Variants in UBR3 observed in about 807,000 individuals in gnomAD.
UBR3 encodes the protein ubiquitin protein ligase E3 component n-recognin 3.
In UBR3, 85 loss-of-function variants were observed where a neutral mutation model predicts 243.2. The observed-to-expected ratio is 0.35, with a 90% CI of 0.29 to 0.42. The LOEUF (loss-of-function observed/expected upper bound fraction) is 0.42. Ranked by LOEUF, UBR3 falls within the 10% of genes least tolerant of loss-of-function variation. The pLI, the probability that UBR3 is intolerant of heterozygous loss-of-function variation, is 1.00. For missense variants in UBR3, 1,686 were observed against 2,300.8 expected (o/e 0.73, Z 5.47); for synonymous variants, 748 against 799.8 (o/e 0.94, Z 1.09).
chr2:169,841,901 A>G (rs1188518007), intron 1 of UBR3, among the ~76,000 whole-genome samples: 1 of 152,124 alleles, frequency 6.6e-6, no homozygotes, highest in Non-Finnish European at 1.5e-5. Context: ...TCGACCACCC[A>G]AGGGCTGAGG....
At chr2:170,019,023 T>G (rs914677030) in intron 30 of UBR3, among the ~76,000 whole-genome samples, 1 of 152,202 alleles carries the variant, frequency 6.6e-6, no homozygotes, top group African/African-American at 2.4e-5. Flanking sequence ...TATAAAAAAT[T>G]ATTTCATTTG....
intron 14 of UBR3, among the ~76,000 whole-genome samples, 161 bp from the exon 15 acceptor site, chr2:169,926,531 G>A (rs1007813962): frequency 3.3e-5 from 5 of 152,118 alleles, no homozygotes; most frequent in Non-Finnish European, 7.4e-5. Context: ...AGAGGTGGAG[G>A]TTGCAGTGAG....
chr2:169,925,954 A>G (rs1470320257), intron 14 of UBR3, among the ~76,000 whole-genome samples: 1 of 152,204 alleles, frequency 6.6e-6, no homozygotes, highest in Non-Finnish European at 1.5e-5. Context: ...AGAGGCAGAA[A>G]GGAGTGAGGG....
At chr2:169,892,655 G>C (rs1364559690) in intron 6 of UBR3, among the ~76,000 whole-genome samples, 2 of 152,166 alleles carry the variant, frequency 1.3e-5, no homozygotes, top group Admixed American at 6.5e-5. Flanking sequence ...AGAACCCCAG[G>C]TGTTTTCAAA....
intron 1 of UBR3, among the ~76,000 whole-genome samples, chr2:169,845,413 A>AC (rs1429064273): frequency 4.6e-5 from 6 of 130,790 alleles, no homozygotes; most frequent in South Asian, 2.5e-4. Context: ...ACATAGTGAG[A>AC]CCCCATCTCA....
chr2:169,923,826 A>T, intron 11 of UBR3, 103 bp from the exon 12 acceptor site: 1 of 956,842 alleles, frequency 1.0e-6, no homozygotes, highest in Non-Finnish European at 1.5e-6. Flanking sequence ...AACTAAAAGT[A>T]TAGGAATAAA....
chr2:169,922,426 T>C (rs1288360735), intron 11 of UBR3, among the ~76,000 whole-genome samples: 2 of 151,730 alleles, frequency 1.3e-5, no homozygotes, highest in Non-Finnish European at 2.9e-5. Flanking sequence ...GCAAACTTTT[T>C]AAAATTTTAT....
intron 32 of UBR3, among the ~76,000 whole-genome samples, chr2:170,043,219 TTAATC>T (rs1269161969): frequency 2.6e-5 from 4 of 152,146 alleles, no homozygotes; most frequent in Non-Finnish European, 4.4e-5. Flanking sequence ...CTGTCACTAT[TTAATC>T]TATATTAATC....
chr2:169,941,763 CG>C (rs2086599660), intron 19 of UBR3, among the ~76,000 whole-genome samples: 1 of 152,194 alleles, frequency 6.6e-6, no homozygotes, highest in Non-Finnish European at 1.5e-5. Context: ...GGCTTTGGAA[CG>C]TGTTCCCTGA....
Position 169,837,266 on chromosome 2 carries a change from C to T in UBR3, c.545+9214C>T, listed in dbSNP as rs181108059. Among the ~76,000 whole-genome samples the T allele has an allele frequency of 3.3e-4, 50 of 152,304 alleles. No homozygotes were observed. The East Asian group carries it at 4.2e-3, about 13-fold the overall frequency. On this transcript the variant is annotated intron_variant, in intron 1 of 38. Coordinates refer to ENST00000272793, the MANE Select transcript of UBR3 (RefSeq NM_172070.4). ...CCGAGGCAGGTGAATCACCTGAGGTCGGGAGTTCGAGACCAGCCTGACCAA... is the reference window on the plus strand; with the variant it reads ...CCGAGGCAGGTGAATCACCTGAGGTTGGGAGTTCGAGACCAGCCTGACCAA...
chr2:170,039,170 G>A (rs2090903783), intron 31 of UBR3, among the ~76,000 whole-genome samples: 1 of 152,234 alleles, frequency 6.6e-6, no homozygotes, highest in African/African-American at 2.4e-5. Flanking sequence ...CTAAAGTGGA[G>A]TAATCAGAGA....
At chr2:169,983,504 A>G (rs960374720) in intron 24 of UBR3, among the ~76,000 whole-genome samples, 5 of 152,074 alleles carry the variant, frequency 3.3e-5, no homozygotes, top group Admixed American at 3.3e-4. Flanking sequence ...CAGGCAATCC[A>G]CCTGCCTCGG....
At chr2:169,875,329 GCTT>G (rs1376410268) in intron 2 of UBR3, among the ~76,000 whole-genome samples, 1 of 151,964 alleles carries the variant, frequency 6.6e-6, no homozygotes, top group Admixed American at 6.6e-5. Flanking sequence ...AAATGCTGCT[GCTT>G]CTTTTTGTTG....
chr2:170,057,109 T>C (rs1157441529), intron 33 of UBR3, among the ~76,000 whole-genome samples: 1 of 133,700 alleles, frequency 7.5e-6, no homozygotes, highest in Non-Finnish European at 1.6e-5. Flanking sequence ...TAATTATCTT[T>C]AGTTTTTTCT....
intron 8 of UBR3, among the ~76,000 whole-genome samples, chr2:169,904,904 T>C (rs1235532509): frequency 6.6e-6 from 1 of 152,190 alleles, no homozygotes; most frequent in Non-Finnish European, 1.5e-5. Context: ...GTAATTCTTT[T>C]AAGATGGATG....
rs1559180029 is a variant in UBR3 at position 170,006,951 on chromosome 2, G to GTGTA, written c.4030-37_4030-34dup. 1.9e-6 allele frequency: 3 copies of GTGTA among 1,575,870 alleles called. No homozygotes were observed. In the East Asian group the frequency reaches 6.7e-5, roughly 35 times the overall value. ...GGTATAATTTTTGTTTTCTATGAAT[G>GTGTA]TGTATATCACGCATCTGTATGTTTA... is the stretch of plus-strand genomic sequence containing the variant. On this transcript the variant is annotated intron_variant, in intron 27 of 38. Transcript: ENST00000272793.
chr2:169,847,777 C>T (rs191150256), intron 1 of UBR3, among the ~76,000 whole-genome samples: 28 of 152,326 alleles, frequency 1.8e-4, no homozygotes, highest in Non-Finnish European at 3.4e-4. Flanking sequence ...CTGATGGGAA[C>T]AGACACCATT....
At chr2:169,925,826 T>A in intron 14 of UBR3, 79 bp downstream of exon 14, 1 of 1,338,090 alleles carries the variant, frequency 7.5e-7, no homozygotes, top group Non-Finnish European at 9.9e-7. Flanking sequence ...TAGAGGTGAC[T>A]GCGTGATGAC....
Position 170,015,328 on chromosome 2 carries a change from C to G in UBR3, c.4415C>G (p.Ser1472Ter). Residue 1472 changes from serine (S) to a stop codon, truncating the protein, a stop_gained, in exon 30 of 39, where the codon TCA becomes TGA. Transcript: ENST00000272793. LOFTEE classifies it high-confidence loss of function. ...ELIHRGGNLC[S>*]GGASTAGKRS... ...ATTCATCGAGGAGGCAATTTGTGTTCAGGTGGTGCAAGCACAGCTGGCAAA... is the reference window on the plus strand; with the variant it reads ...ATTCATCGAGGAGGCAATTTGTGTTGAGGTGGTGCAAGCACAGCTGGCAAA... 1 of 1,611,632 alleles carries G rather than the reference C, an allele frequency of 6.2e-7. No homozygotes were observed. Among genetic ancestry groups the G allele is most frequent in the Non-Finnish European group, 8.5e-7 (1 of 1,178,664 alleles).
Sources: gnomAD v4.1 joint callset for allele counts (sites outside exome capture counted in the v4.1 genomes callset) on GRCh38, gnomAD v4.1.1 for gene constraint, MANE v1.5 for transcripts, NCBI Gene and HGNC (gene_info 2026-07-23, HGNC 2026-07-21) for gene names.